FRMD4B: variants seen among roughly 807,000 people sequenced by gnomAD.
FRMD4B encodes FERM domain-containing protein 4B.
FRMD4B carries 74 observed loss-of-function variants against 141.5 expected under a neutral mutation model. That is an observed-to-expected ratio of 0.52 (90% CI 0.43 to 0.63). The LOEUF (loss-of-function observed/expected upper bound fraction) is 0.63. Ranked by LOEUF, FRMD4B falls within the 30% of genes least tolerant of loss-of-function variation. The pLI is 0.00. For missense variants in FRMD4B, 1,366 were observed against 1,253.4 expected (o/e 1.09, Z -1.36); for synonymous variants, 506 against 467.9 (o/e 1.08, Z -1.05).
chr3:69,484,404 T>C (rs961438536), intron 1 of FRMD4B, among the ~76,000 whole-genome samples: 9 of 152,300 alleles, frequency 5.9e-5, no homozygotes, highest in Middle Eastern at 6.8e-3. Flanking sequence ...GGGTGTTGAT[T>C]TTCTGGCCAG....
At chr3:69,341,482 T>C (rs1216570304) in intron 1 of FRMD4B, among the ~76,000 whole-genome samples, 1 of 152,218 alleles carries the variant, frequency 6.6e-6, no homozygotes. Flanking sequence ...ACAGTATAAA[T>C]GGCTGCAGGA....
chr3:69,534,351 T>G (rs1218354050), intron 1 of FRMD4B, among the ~76,000 whole-genome samples: 1 of 152,240 alleles, frequency 6.6e-6, no homozygotes, highest in African/African-American at 2.4e-5. Flanking sequence ...GAATTTTTTT[T>G]CTGGTACACA....
intron 17 of FRMD4B, among the ~76,000 whole-genome samples, chr3:69,192,389 C>CA (rs2092847763): frequency 6.6e-6 from 1 of 151,540 alleles, no homozygotes; most frequent in South Asian, 2.1e-4. Context: ...AAGACAAAAA[C>CA]AAAAAAAGAC....
At chr3:69,321,646 A>G (rs1218437345) in intron 1 of FRMD4B, among the ~76,000 whole-genome samples, 1 of 152,210 alleles carries the variant, frequency 6.6e-6, no homozygotes, top group Non-Finnish European at 1.5e-5. Flanking sequence ...GTATATAAAT[A>G]TCTGCTGAGT....
intron 1 of FRMD4B, among the ~76,000 whole-genome samples, chr3:69,345,383 C>T (rs1009205973): frequency 1.3e-5 from 2 of 152,246 alleles, no homozygotes; most frequent in Non-Finnish European, 2.9e-5. Context: ...GGAGGCCTGC[C>T]TGCCTCTGTA....
Position 69,245,994 on chromosome 3 carries a change from T to C in FRMD4B, c.581+3232A>G, listed in dbSNP as rs554322262. Among the ~76,000 whole-genome samples, 14 of 152,044 alleles carry C rather than the reference T, an allele frequency of 9.2e-5. No homozygotes were observed. The South Asian group carries it at 2.7e-3, about 29-fold the overall frequency. On this transcript the variant is annotated intron_variant, in intron 7 of 22. Transcript: ENST00000398540. ...CTGGGATTACAGGCATGTGCCACCA[T>C]GCCCAGCTAATTTTGTATTTTTAGT...
At chr3:69,175,113 G>A (rs1390431664) in intron 22 of FRMD4B, among the ~76,000 whole-genome samples, 1 of 152,276 alleles carries the variant, frequency 6.6e-6, no homozygotes, top group Admixed American at 6.5e-5. Flanking sequence ...CAATTTGATT[G>A]TAACAGTGAG....
At chr3:69,341,406 C>A (rs1377091117) in intron 1 of FRMD4B, among the ~76,000 whole-genome samples, 1 of 152,160 alleles carries the variant, frequency 6.6e-6, no homozygotes, top group Non-Finnish European at 1.5e-5. Flanking sequence ...AGGCCAAATA[C>A]CAAGAGGGAA....
At chr3:69,370,519 A>C (rs558512036) in intron 1 of FRMD4B, among the ~76,000 whole-genome samples, 2 of 152,386 alleles carry the variant, frequency 1.3e-5, no homozygotes, top group African/African-American at 4.8e-5. Context: ...TTTTCTGATG[A>C]AATGGTCGTT....
intron 7 of FRMD4B, among the ~76,000 whole-genome samples, chr3:69,226,063 A>G (rs181045320): frequency 2.4e-4 from 36 of 152,320 alleles, no homozygotes; most frequent in African/African-American, 7.7e-4. Flanking sequence ...ATTATTATCT[A>G]TTTAAGTAGA....
intron 1 of FRMD4B, among the ~76,000 whole-genome samples, chr3:69,324,073 A>C (rs1015017639): frequency 1.3e-5 from 2 of 152,150 alleles, no homozygotes; most frequent in African/African-American, 2.4e-5. Flanking sequence ...TCCTGGCCCC[A>C]CACTGATGAA....
intron 1 of FRMD4B, among the ~76,000 whole-genome samples, chr3:69,494,383 G>C (rs1238305005): frequency 6.6e-6 from 1 of 152,178 alleles, no homozygotes; most frequent in Non-Finnish European, 1.5e-5. Context: ...TACTAATAAA[G>C]CATGACTAGT....
chr3:69,449,958 C>T (rs956424265), intron 1 of FRMD4B, among the ~76,000 whole-genome samples: 1 of 152,162 alleles, frequency 6.6e-6, no homozygotes, highest in Non-Finnish European at 1.5e-5. Flanking sequence ...GACTCCTATG[C>T]TTGACAAGCT....
At chr3:69,216,398 T>C (rs1007070001) in intron 10 of FRMD4B, 49 bp from the exon 11 acceptor site, 3 of 841,436 alleles carry the variant, frequency 3.6e-6, no homozygotes, top group Non-Finnish European at 5.7e-6. Flanking sequence ...TTAACTCTTC[T>C]AGAAGTGAAT....
intron 7 of FRMD4B, among the ~76,000 whole-genome samples, chr3:69,243,074 C>T (rs752187447): frequency 6.6e-6 from 1 of 151,660 alleles, no homozygotes; most frequent in African/African-American, 2.4e-5. Flanking sequence ...GCCTCCTTGC[C>T]GTGTCAGCTT....
chr3:69,331,886 A>C (rs375905193), intron 1 of FRMD4B, among the ~76,000 whole-genome samples: 24 of 152,230 alleles, frequency 1.6e-4, no homozygotes, highest in African/African-American at 5.5e-4. Flanking sequence ...TCAGGAGTTC[A>C]AGACCAGCCT....
At chr3:69,491,446 A>T (rs915609513) in intron 1 of FRMD4B, among the ~76,000 whole-genome samples, 1 of 152,232 alleles carries the variant, frequency 6.6e-6, no homozygotes, top group Non-Finnish European at 1.5e-5. Context: ...TTCCTCACCT[A>T]ATCTTCTTCT....
chr3:69,218,691 G>GC (rs2093164626), intron 9 of FRMD4B, among the ~76,000 whole-genome samples: 1 of 152,078 alleles, frequency 6.6e-6, no homozygotes, highest in Admixed American at 6.6e-5. Context: ...TTTAAAGTAA[G>GC]CCCCTAATGA....
chr3:69,210,876 G>A lies in FRMD4B; in HGVS notation c.876+5387C>T, dbSNP rs1323205624. Among the ~76,000 whole-genome samples the A allele has an allele frequency of 2.0e-5, 3 of 152,096 alleles. No individual in the cohort carries two copies. The East Asian group carries it at 5.8e-4, about 29-fold the overall frequency. ...TAAAAATACAAAATTAGCCAGGCAT[G>A]GTGGCGCATGCCTGTAATCCCAGCT... On this transcript the variant is annotated intron_variant, in intron 11 of 22. Coordinates refer to ENST00000398540, the MANE Select transcript of FRMD4B (RefSeq NM_015123.3).
Sources: allele counts gnomAD v4.1 joint callset (sites outside exome capture counted in the v4.1 genomes callset), GRCh38; gene constraint gnomAD v4.1.1; transcripts MANE v1.5; gene names NCBI Gene and HGNC (gene_info 2026-07-23, HGNC 2026-07-21).